FBXL17: variants seen among roughly 807,000 people sequenced by gnomAD.
FBXL17 encodes F-box and leucine rich repeat protein 17, also known as F-box/LRR-repeat protein 17.
Under a neutral mutation model 66.2 loss-of-function variants are expected in FBXL17, and 22 were observed. That is an observed-to-expected ratio of 0.33 (90% confidence interval 0.24 to 0.47). The LOEUF (loss-of-function observed/expected upper bound fraction) is 0.47. Among genes scored for constraint, FBXL17 ranks in the 20% least tolerant of loss-of-function variants. The pLI, the probability that FBXL17 is intolerant of heterozygous loss-of-function variation, is 1.00. For synonymous variants in FBXL17, 474 were observed against 400.5 expected (o/e 1.18, Z -2.19); for missense variants, 878 against 948.2 (o/e 0.93, Z 0.97).
At chr5:108,166,780 CAAAGT>C (rs1407642393) in intron 6 of FBXL17, among the ~76,000 whole-genome samples, 2 of 152,106 alleles carry the variant, frequency 1.3e-5, no homozygotes, top group Non-Finnish European at 2.9e-5. Context: ...TATAAACACT[CAAAGT>C]AAATAGTTAA....
chr5:108,319,273 CATTA>C (rs1159099493), intron 4 of FBXL17, among the ~76,000 whole-genome samples: 1 of 151,766 alleles, frequency 6.6e-6, no homozygotes. Flanking sequence ...ATTAAAACAG[CATTA>C]ATTATGTACC....
chr5:108,209,421 A>C (rs944995322), intron 5 of FBXL17, among the ~76,000 whole-genome samples: 3 of 152,166 alleles, frequency 2.0e-5, no homozygotes, highest in Admixed American at 2.0e-4. Flanking sequence ...CTTTTTGCCC[A>C]TTCAGTATGA....
In FBXL17 at chr5:108,304,882, A is replaced by T. The variant is rs372401852; in HGVS notation, c.1506+43517T>A. Reference sequence around the variant, plus strand: ...TCTTCCTTGTCCTTCTCTATAATAAAATAAGCATAAAACTTTTCCATAAGG... The same window carrying T: ...TCTTCCTTGTCCTTCTCTATAATAATATAAGCATAAAACTTTTCCATAAGG... On this transcript the variant is annotated intron_variant, in intron 4 of 8. Coordinates refer to ENST00000542267, the MANE Select transcript of FBXL17 (RefSeq NM_001163315.3). Among the ~76,000 whole-genome samples, 35 of 152,118 alleles carry T rather than the reference A, an allele frequency of 2.3e-4. No individual in the cohort carries two copies. In the South Asian group the frequency reaches 7.0e-3, roughly 31 times the overall value.
At chr5:108,269,275 C>G (rs980887851) in intron 4 of FBXL17, among the ~76,000 whole-genome samples, 1 of 152,022 alleles carries the variant, frequency 6.6e-6, no homozygotes, top group African/African-American at 2.4e-5. Context: ...CAATATGCCA[C>G]TCAAAGTGGC....
chr5:108,270,834 T>C (rs1757237968), intron 4 of FBXL17, among the ~76,000 whole-genome samples: 1 of 152,092 alleles, frequency 6.6e-6, no homozygotes, highest in Non-Finnish European at 1.5e-5. Context: ...TTAAATTATT[T>C]CTCCTGAACC....
rs1311081995 is a variant in FBXL17 at position 108,051,956 on chromosome 5, C to CA, written c.1746-30956dup. 2.4e-4 allele frequency among the ~76,000 whole-genome samples: 36 copies of CA among 151,292 alleles called. No individual in the cohort carries two copies. The South Asian group carries it at 7.1e-3, about 30-fold the overall frequency. ...AAACCCTGTCTCTTCTAAAAAAATA[C>CA]AAAAAAACTAGCCGGGTCTGGTGGC... On this transcript the variant is annotated intron_variant, in intron 6 of 8. Transcript: ENST00000542267.
At chr5:107,976,500 G>A (rs932031072) in intron 7 of FBXL17, among the ~76,000 whole-genome samples, 3 of 152,110 alleles carry the variant, frequency 2.0e-5, no homozygotes, top group African/African-American at 7.2e-5. Flanking sequence ...TAAACACAAA[G>A]ACTGAGTGGT....
intron 7 of FBXL17, among the ~76,000 whole-genome samples, chr5:107,977,315 ATG>A (rs1752617562): frequency 1.3e-5 from 2 of 152,184 alleles, no homozygotes; most frequent in Non-Finnish European, 2.9e-5. Context: ...TATTTTCCAA[ATG>A]ATAAGGAACA....
intron 4 of FBXL17, among the ~76,000 whole-genome samples, chr5:108,253,182 A>G (rs1216723915): frequency 6.6e-6 from 1 of 152,176 alleles, no homozygotes; most frequent in Admixed American, 6.5e-5. Flanking sequence ...TACTATATGA[A>G]AATTTCCTTG....
At chr5:108,173,888 T>C (rs2150019420) in intron 6 of FBXL17, among the ~76,000 whole-genome samples, 1 of 152,344 alleles carries the variant, frequency 6.6e-6, no homozygotes, top group South Asian at 2.1e-4. Context: ...CTTAAGTAGC[T>C]TACAATTTTT....
chr5:108,206,750 G>T (rs1754135181), intron 5 of FBXL17, among the ~76,000 whole-genome samples: 3 of 152,122 alleles, frequency 2.0e-5, no homozygotes, highest in Admixed American at 1.3e-4. Context: ...AAATATACCA[G>T]ATTGTTTATA....
intron 4 of FBXL17, chr5:108,299,233 C>A (rs1580770534): frequency 1.0e-6 from 1 of 985,016 alleles, no homozygotes; most frequent in Non-Finnish European, 1.2e-6. Context: ...AGGATAAATT[C>A]CCAATCTGCA....
At chr5:108,238,321 G>C (rs928616981) in intron 4 of FBXL17, among the ~76,000 whole-genome samples, 2 of 152,114 alleles carry the variant, frequency 1.3e-5, no homozygotes, top group Non-Finnish European at 2.9e-5. Context: ...CCACAGTCAA[G>C]ACAACAATAT....
intron 6 of FBXL17, among the ~76,000 whole-genome samples, chr5:108,057,160 T>C (rs1211657625): frequency 6.6e-6 from 1 of 152,170 alleles, no homozygotes; most frequent in Non-Finnish European, 1.5e-5. Context: ...TGATATAATG[T>C]AAGATAAATA....
intron 5 of FBXL17, among the ~76,000 whole-genome samples, chr5:108,208,034 T>C (rs891078107): frequency 6.6e-6 from 1 of 152,194 alleles, no homozygotes; most frequent in African/African-American, 2.4e-5. Context: ...AGGTATCTCA[T>C]TGTGGTTTTG....
chr5:108,093,425 A>G (rs1749259058), intron 6 of FBXL17, among the ~76,000 whole-genome samples: 1 of 152,180 alleles, frequency 6.6e-6, no homozygotes, highest in Non-Finnish European at 1.5e-5. Flanking sequence ...AAACTTTATG[A>G]GGAACCATAG....
At chr5:108,332,700 T>C (rs1760180310) in intron 4 of FBXL17, among the ~76,000 whole-genome samples, 1 of 152,020 alleles carries the variant, frequency 6.6e-6, no homozygotes, top group African/African-American at 2.4e-5. Flanking sequence ...CTCCACTTCC[T>C]GGGTTCAAGC....
At chr5:107,951,227 T>TG (rs1422227789) in intron 7 of FBXL17, among the ~76,000 whole-genome samples, 2 of 152,252 alleles carry the variant, frequency 1.3e-5, no homozygotes, top group Non-Finnish European at 2.9e-5. Context: ...TCAATGCATA[T>TG]GGGTAATATG....
intron 1 of FBXL17, among the ~76,000 whole-genome samples, chr5:108,379,557 G>A (rs781485353): frequency 6.6e-6 from 1 of 152,138 alleles, no homozygotes; most frequent in Non-Finnish European, 1.5e-5. Flanking sequence ...AAAAAGTCTA[G>A]TCAAAGAAAC....
Sources: gnomAD v4.1 joint callset for allele counts (sites outside exome capture counted in the v4.1 genomes callset) on GRCh38, gnomAD v4.1.1 for gene constraint, MANE v1.5 for transcripts, NCBI Gene and HGNC (gene_info 2026-07-23, HGNC 2026-07-21) for gene names.